KDM4C: variants seen among roughly 807,000 people sequenced by gnomAD.
The protein encoded by KDM4C is lysine-specific demethylase 4C.
KDM4C carries 81 observed loss-of-function variants against 129.3 expected under a neutral mutation model. The observed-to-expected ratio is 0.63, with a 90% CI of 0.52 to 0.75. The LOEUF (loss-of-function observed/expected upper bound fraction) is 0.75, where lower values mean the gene tolerates loss of function less well. Among genes scored for constraint, KDM4C ranks in the 30% least tolerant of loss-of-function variants. The probability of loss-of-function intolerance (pLI) is 0.00; values close to 1 mark genes in which losing one functional copy is unlikely to be tolerated. For missense variants in KDM4C, 1,457 were observed against 1,304.0 expected (o/e 1.12, Z -1.81); for synonymous variants, 573 against 456.1 (o/e 1.26, Z -3.26).
chr9:6,836,215 G>A (rs1321405149), intron 4 of KDM4C, among the ~76,000 whole-genome samples: 1 of 152,098 alleles, frequency 6.6e-6, no homozygotes, highest in Admixed American at 6.5e-5. Context: ...ACTTTGGGAG[G>A]CTGAGGCGGG....
At position 6,725,400 on chromosome 9, in the gene KDM4C, G is replaced by A. The variant is rs114833304; in HGVS notation, c.49+4403G>A. Among the ~76,000 whole-genome samples, 1,240 of 152,112 alleles carry A rather than the reference G, an allele frequency of 8.2e-3. 12 individuals are homozygous for A. The highest frequency in any genetic ancestry group is 0.028 in the African/African-American group (1,169 of 41,506). ...TTATAACCTTTATGATATTTTTCTG[G>A]ATAGTGGTAATTGCCTTGTATAATG... On this transcript the variant is annotated intron_variant, in intron 1 of 17. Coordinates refer to the KDM4C transcript ENST00000536108.
chr9:7,050,581 AC>A (rs1830024240), intron 17 of KDM4C, among the ~76,000 whole-genome samples: 1 of 152,166 alleles, frequency 6.6e-6, no homozygotes, highest in Non-Finnish European at 1.5e-5. Context: ...ACAAATGTTA[AC>A]ATTTTAATAT....
chr9:6,866,382 C>A (rs1160867933), intron 5 of KDM4C, among the ~76,000 whole-genome samples: 1 of 152,064 alleles, frequency 6.6e-6, no homozygotes, highest in African/African-American at 2.4e-5. Flanking sequence ...ATCAGAGTGC[C>A]CCCTGTCCTG....
chr9:7,010,904 C>T (rs1309343580), intron 12 of KDM4C, among the ~76,000 whole-genome samples: 1 of 151,976 alleles, frequency 6.6e-6, no homozygotes, highest in Non-Finnish European at 1.5e-5. Flanking sequence ...ATTCGCTAGG[C>T]ATGGTGGTGG....
chr9:6,751,481 C>T (rs1454477430), intron 1 of KDM4C, among the ~76,000 whole-genome samples: 2 of 152,038 alleles, frequency 1.3e-5, no homozygotes, highest in African/African-American at 4.8e-5. Context: ...AGCCTAGATT[C>T]AGCAGGTGGG....
intron 19 of KDM4C, among the ~76,000 whole-genome samples, chr9:7,146,208 T>C (rs2146789): frequency 0.77 from 117,849 of 152,214 alleles, 45,972 homozygotes; most frequent in Middle Eastern, 0.85. Flanking sequence ...AAGGGAAAAA[T>C]CCTCAAAGGA....
chr9:6,755,216 A>T (rs1190878232), upstream of KDM4C, among the ~76,000 whole-genome samples: 1 of 152,178 alleles, frequency 6.6e-6, no homozygotes, highest in Non-Finnish European at 1.5e-5. Flanking sequence ...CTTAAAATAC[A>T]AAAAATTAGC....
At chr9:6,926,014 C>T (rs914913799) in intron 8 of KDM4C, among the ~76,000 whole-genome samples, 1 of 152,072 alleles carries the variant, frequency 6.6e-6, no homozygotes, top group Non-Finnish European at 1.5e-5. Context: ...TACTAGAGAG[C>T]GGCTTCCGAG....
At chr9:7,113,604 C>G (rs977566483) in intron 18 of KDM4C, among the ~76,000 whole-genome samples, 1 of 152,176 alleles carries the variant, frequency 6.6e-6, no homozygotes, top group Non-Finnish European at 1.5e-5. Flanking sequence ...TGCAAACTCC[C>G]ATGCTCACAA....
At chr9:7,151,971 C>G (rs763630020) in intron 19 of KDM4C, among the ~76,000 whole-genome samples, 3 of 152,192 alleles carry the variant, frequency 2.0e-5, no homozygotes, top group Non-Finnish European at 4.4e-5. Flanking sequence ...GTTTAGGCTG[C>G]GAGATAACCT....
At chr9:6,979,947 G>A (rs977565101) in intron 8 of KDM4C, among the ~76,000 whole-genome samples, 1 of 152,164 alleles carries the variant, frequency 6.6e-6, no homozygotes, top group Admixed American at 6.5e-5. Context: ...TATTTTGAAT[G>A]TAATGGCCAT....
At chr9:6,832,518 T>G (rs1368859172) in intron 4 of KDM4C, among the ~76,000 whole-genome samples, 43 of 142,296 alleles carry the variant, frequency 3.0e-4, no homozygotes, top group Non-Finnish European at 6.0e-4. Flanking sequence ...CTCCGCCTCC[T>G]GGGTTCACGC....
At chr9:7,042,395 T>C (rs573090406) in intron 15 of KDM4C, among the ~76,000 whole-genome samples, 1 of 152,214 alleles carries the variant, frequency 6.6e-6, no homozygotes, top group South Asian at 2.1e-4. Flanking sequence ...TTGTTTTAAA[T>C]GGTATCATTA....
At chr9:6,913,477 C>G (rs1414717450) in intron 8 of KDM4C, among the ~76,000 whole-genome samples, 1 of 152,216 alleles carries the variant, frequency 6.6e-6, no homozygotes, top group Non-Finnish European at 1.5e-5. Flanking sequence ...CTTGCGCCAG[C>G]TGGTGAAGAA....
In KDM4C at chr9:7,052,836, G is replaced by A. The variant is rs1454672153; in HGVS notation, c.2424+3636G>A. 2.1e-5 allele frequency among the ~76,000 whole-genome samples: 3 copies of A among 144,250 alleles called. No individual in the cohort carries two copies. In the East Asian group the frequency reaches 6.3e-4, roughly 30 times the overall value. The allele number at this position is 144,250 out of a possible 152,430, so 94.6% of individuals were successfully genotyped here. On this transcript the variant is annotated intron_variant, in intron 17 of 21. Transcript: ENST00000381309. ...TAAACTACCACCTCCCTTCTCTAGTGCCTAACCAGAGCTCTGGCCACACCT... is the reference window on the plus strand; with the variant it reads ...TAAACTACCACCTCCCTTCTCTAGTACCTAACCAGAGCTCTGGCCACACCT...
intron 1 of KDM4C, among the ~76,000 whole-genome samples, chr9:6,769,981 G>C (rs1821416105): frequency 6.6e-6 from 1 of 152,112 alleles, no homozygotes; most frequent in Non-Finnish European, 1.5e-5. Flanking sequence ...AGGAGTTTGA[G>C]ACCAGCCTGG....
At chr9:7,165,176 A>G in intron 19 of KDM4C, 62 bp from the exon 20 acceptor site, 2 of 1,575,066 alleles carry the variant, frequency 1.3e-6, no homozygotes, top group Non-Finnish European at 1.7e-6. Flanking sequence ...ATCATTTGCT[A>G]AGTTCTAAAT....
intron 5 of KDM4C, among the ~76,000 whole-genome samples, chr9:6,864,936 A>G (rs573948500): frequency 1.3e-5 from 2 of 149,476 alleles, no homozygotes; most frequent in African/African-American, 4.9e-5. Flanking sequence ...AGTTCAGCAA[A>G]TGTATTTCTT....
At chr9:7,096,206 G>C (rs966305018) in intron 17 of KDM4C, among the ~76,000 whole-genome samples, 2 of 152,128 alleles carry the variant, frequency 1.3e-5, no homozygotes, top group Non-Finnish European at 2.9e-5. Context: ...CATAACAATT[G>C]CTTATTTTGT....
Sources: gnomAD v4.1 joint callset for allele counts (sites outside exome capture counted in the v4.1 genomes callset) on GRCh38, gnomAD v4.1.1 for gene constraint, MANE v1.5 for transcripts, NCBI Gene and HGNC (gene_info 2026-07-23, HGNC 2026-07-21) for gene names.